The following BMPR2 variants were observed in gnomAD, a reference collection of about 807,000 sequenced individuals.
The protein encoded by BMPR2 is bone morphogenetic protein receptor type 2.
In BMPR2, 29 loss-of-function variants were observed where a neutral mutation model predicts 100.8. That is an observed-to-expected ratio of 0.29 (90% confidence interval 0.21 to 0.39). BMPR2 has a LOEUF of 0.39. Among genes scored for constraint, BMPR2 ranks in the 10% least tolerant of loss-of-function variants. BMPR2 has a pLI of 1.00. For synonymous variants in BMPR2, 382 were observed against 442.3 expected, an observed-to-expected ratio of 0.86 and a Z score of 1.71; for missense variants, 1,011 against 1,274.5, an observed-to-expected ratio of 0.79 and a Z score of 3.15.
chr2:202,433,347 ACT>A (rs760263141), intron 1 of BMPR2, among the ~76,000 whole-genome samples: 19 of 150,112 alleles, frequency 1.3e-4, no homozygotes, highest in Non-Finnish European at 2.4e-4. Flanking sequence ...TTATGAAAAA[ACT>A]CTGCATGTTT....
intron 3 of BMPR2, among the ~76,000 whole-genome samples, chr2:202,499,644 A>G (rs942395421): frequency 6.6e-6 from 1 of 152,220 alleles, no homozygotes; most frequent in African/African-American, 2.4e-5. Flanking sequence ...GAATCACTTG[A>G]GAGTCAATTG....
Position 202,413,968 on chromosome 2 carries a change from A to G in BMPR2, c.76+36418A>G, listed in dbSNP as rs566996859. ...CATGAGCCACCACGCCCAACCTTAT[A>G]TTATTAATATATGTTTCATATATAC... On this transcript the variant is annotated intron_variant, in intron 1 of 12. Coordinates refer to ENST00000374580, the MANE Select transcript of BMPR2 (RefSeq NM_001204.7). 2.6e-5 allele frequency among the ~76,000 whole-genome samples: 4 copies of G among 152,280 alleles called. No individual in the cohort carries two copies. In the South Asian group the frequency reaches 8.3e-4, roughly 32 times the overall value.
chr2:202,478,071 T>C (rs1692586028), intron 3 of BMPR2, among the ~76,000 whole-genome samples: 1 of 152,192 alleles, frequency 6.6e-6, no homozygotes, highest in Non-Finnish European at 1.5e-5. Context: ...CTAGCTTAGG[T>C]TGAAGAAGGC....
intron 1 of BMPR2, among the ~76,000 whole-genome samples, chr2:202,383,543 G>A (rs757534009): frequency 1.2e-4 from 19 of 152,182 alleles, no homozygotes; most frequent in Non-Finnish European, 2.1e-4. Flanking sequence ...AGCCGGGTGT[G>A]GTGGCACATG....
chr2:202,467,307 C>T (rs951418963), intron 2 of BMPR2, among the ~76,000 whole-genome samples: 3 of 152,066 alleles, frequency 2.0e-5, no homozygotes, highest in Non-Finnish European at 4.4e-5. Context: ...GCAGTTAAAC[C>T]TTTTTTGGTG....
chr2:202,534,896 G>C (rs1222150835), intron 9 of BMPR2, among the ~76,000 whole-genome samples: 6 of 144,108 alleles, frequency 4.2e-5, no homozygotes, highest in Admixed American at 3.4e-4. Flanking sequence ...CTGGCCGGGC[G>C]GGGGGCTGAC....
chr2:202,486,829 C>T (rs1692788496), intron 3 of BMPR2, among the ~76,000 whole-genome samples: 3 of 152,112 alleles, frequency 2.0e-5, no homozygotes. Flanking sequence ...AGTTCAGGAT[C>T]AGCCTAGGCA....
intron 1 of BMPR2, among the ~76,000 whole-genome samples, chr2:202,424,942 A>G (rs565033274): frequency 1.3e-5 from 2 of 151,256 alleles, no homozygotes; most frequent in Non-Finnish European, 2.9e-5. Context: ...AAATTTTAAG[A>G]GATTAATTGA....
chr2:202,564,268 A>C lies in BMPR2; in HGVS notation c.*4322A>C, dbSNP rs978651600. The C allele has an allele frequency of 1.3e-5, 2 of 152,240 alleles. No homozygotes were observed. The highest frequency in any genetic ancestry group is 2.4e-5 in the African/African-American group (1 of 41,462). The allele number at this position is 152,240 out of a possible 1,614,324, so 9.4% of individuals were successfully genotyped here. Reference sequence around the variant, plus strand: ...AGAATTTGAGATTATATTTCCATACAACATTTTATAAAGTTATGTTGAACT... The same window carrying C: ...AGAATTTGAGATTATATTTCCATACCACATTTTATAAAGTTATGTTGAACT... On this transcript the variant is annotated 3_prime_UTR_variant, in exon 13 of 13. Coordinates refer to ENST00000374580, the MANE Select transcript of BMPR2 (RefSeq NM_001204.7).
At chr2:202,382,452 A>G (rs894535349) in intron 1 of BMPR2, among the ~76,000 whole-genome samples, 36 of 152,106 alleles carry the variant, frequency 2.4e-4, no homozygotes, top group African/African-American at 8.5e-4. Flanking sequence ...TGGCCTCCCA[A>G]AGTGTTGGGA....
Position 202,556,045 on chromosome 2 carries a change from A to G in BMPR2, c.2380A>G (p.Ile794Val), listed in dbSNP as rs1688564791. The G allele has an allele frequency of 1.9e-6, 3 of 1,614,188 alleles. No homozygotes were observed. The change falls in exon 12 of 13, where the codon ATC (isoleucine) becomes GTC (valine). Residue 794 changes from isoleucine to valine, a missense_variant. By Grantham distance (29) the Ile-to-Val change is conservative. Transcript: ENST00000374580. ...VETGVAKMNT[I>V]NAAEPHVVTV... ...AACTGGAGTTGCCAAGATGAATACA[A>G]TCAATGCAGCAGAACCTCATGTGGT... is the stretch of plus-strand genomic sequence containing the variant.
chr2:202,550,134 T>C lies in BMPR2; in HGVS notation c.1414-2582T>C, dbSNP rs371482192. Among the ~76,000 whole-genome samples, 25 of 151,626 alleles carry C rather than the reference T, an allele frequency of 1.6e-4. No homozygotes were observed. The East Asian group carries it at 2.0e-3, about 12-fold the overall frequency. ...CCTGTAATCCCAGCACTTTGGAAGG[T>C]TGAGGTGGGCGGATCACGAGGTCAG... On this transcript the variant is annotated intron_variant, in intron 10 of 12. Coordinates refer to ENST00000374580, the MANE Select transcript of BMPR2 (RefSeq NM_001204.7).
chr2:202,562,438 A>G lies in BMPR2; in HGVS notation c.*2492A>G, dbSNP rs946437380. On this transcript the variant is annotated 3_prime_UTR_variant, in exon 13 of 13. Transcript: ENST00000374580. ...AAAAAGTAGGAAAGGTGGAAAGTATATATCATTTTTATAAATTTTAAATTG... is the reference window on the plus strand; with the variant it reads ...AAAAAGTAGGAAAGGTGGAAAGTATGTATCATTTTTATAAATTTTAAATTG... 5.2e-5 allele frequency: 8 copies of G among 152,638 alleles called. No homozygotes were observed. Among genetic ancestry groups the G allele is most frequent in the African/African-American group, 1.9e-4 (8 of 41,468 alleles). The allele number at this position is 152,638 out of a possible 1,614,324, so 9.5% of individuals were successfully genotyped here.
intron 3 of BMPR2, among the ~76,000 whole-genome samples, chr2:202,485,010 A>G: frequency 6.6e-6 from 1 of 150,792 alleles, no homozygotes; most frequent in Non-Finnish European, 1.5e-5. Context: ...GAAAAAAAAT[A>G]GAGATGAGGT....
chr2:202,559,645 T>C (rs759836024), intron 12 of BMPR2, 51 bp from the exon 13 acceptor site: 36 of 1,595,004 alleles, frequency 2.3e-5, no homozygotes, highest in Non-Finnish European at 2.9e-5. Context: ...CCCTTACCCG[T>C]TATTTCTTAA....
intron 7 of BMPR2, among the ~76,000 whole-genome samples, chr2:202,527,959 G>T (rs1306885317): frequency 6.6e-6 from 1 of 152,096 alleles, no homozygotes; most frequent in Non-Finnish European, 1.5e-5. Context: ...TGAGGCAGGA[G>T]AATCAAACTC....
chr2:202,441,250 G>T (rs766827692), intron 1 of BMPR2, among the ~76,000 whole-genome samples: 8 of 150,128 alleles, frequency 5.3e-5, no homozygotes, highest in Non-Finnish European at 1.0e-4. Flanking sequence ...CAAAGTGCTA[G>T]GATTAAGAAA....
chr2:202,494,239 G>C (rs1202317290), intron 3 of BMPR2, among the ~76,000 whole-genome samples: 1 of 152,152 alleles, frequency 6.6e-6, no homozygotes, highest in Non-Finnish European at 1.5e-5. Flanking sequence ...TTCTCTACTT[G>C]TATGAAAGCT....
chr2:202,386,988 C>T (rs1037368826), intron 1 of BMPR2, among the ~76,000 whole-genome samples: 1 of 152,052 alleles, frequency 6.6e-6, no homozygotes, highest in South Asian at 2.1e-4. Context: ...CGGGCAGACC[C>T]TTTTCATACA....
Sources: allele counts gnomAD v4.1 joint callset (sites outside exome capture counted in the v4.1 genomes callset), GRCh38; gene constraint gnomAD v4.1.1; transcripts MANE v1.5; gene names NCBI Gene and HGNC (gene_info 2026-07-23, HGNC 2026-07-21).